CACNA2D3: variants seen among roughly 807,000 people sequenced by gnomAD.
CACNA2D3 encodes voltage-dependent calcium channel subunit alpha-2/delta-3.
A neutral mutation model predicts 160.6 loss-of-function variants in CACNA2D3; 60 were observed. The ratio of observed to expected loss-of-function variants is 0.37; its 90% confidence interval spans 0.30 to 0.46. CACNA2D3 has a LOEUF of 0.46. Among genes scored for constraint, CACNA2D3 ranks in the 20% least tolerant of loss-of-function variants. CACNA2D3 has a pLI of 1.00. For missense variants in CACNA2D3, 1,205 were observed against 1,365.0 expected (o/e 0.88, Z 1.85); for synonymous variants, 558 against 492.9 (o/e 1.13, Z -1.75).
intron 4 of CACNA2D3, among the ~76,000 whole-genome samples, chr3:54,387,010 CTA>C (rs1448977156): frequency 6.6e-6 from 1 of 152,186 alleles, no homozygotes; most frequent in African/African-American, 2.4e-5. Context: ...TTTCAATAAA[CTA>C]TTCCCCAATT....
chr3:54,787,307 C>G (rs538426336), intron 13 of CACNA2D3, among the ~76,000 whole-genome samples: 35 of 152,212 alleles, frequency 2.3e-4, no homozygotes, highest in African/African-American at 7.2e-4. Flanking sequence ...ATCATTTAAG[C>G]CCCCTCATAT....
intron 11 of CACNA2D3, among the ~76,000 whole-genome samples, chr3:54,693,517 ATACTT>A (rs1308334568): frequency 2.0e-5 from 3 of 152,352 alleles, no homozygotes; most frequent in South Asian, 2.1e-4. Flanking sequence ...GTACTGTACT[ATACTT>A]TTATCATTAT....
At chr3:54,268,070 T>C (rs1702553025) in intron 2 of CACNA2D3, among the ~76,000 whole-genome samples, 1 of 152,210 alleles carries the variant, frequency 6.6e-6, no homozygotes, top group Non-Finnish European at 1.5e-5. Flanking sequence ...GTGGTTCATA[T>C]TCAGAATCAG....
intron 11 of CACNA2D3, among the ~76,000 whole-genome samples, chr3:54,725,014 T>G (rs1364295029): frequency 6.6e-6 from 1 of 151,764 alleles, no homozygotes; most frequent in Admixed American, 6.6e-5. Context: ...ATAGATAGAC[T>G]CCTAGCCAGA....
chr3:54,183,233 T>C (rs1461930749), intron 2 of CACNA2D3, among the ~76,000 whole-genome samples: 1 of 147,502 alleles, frequency 6.8e-6, no homozygotes, highest in Admixed American at 6.9e-5. Context: ...TTTTTTTCTA[T>C]TCAGAAAATA....
At chr3:54,443,605 T>C (rs942481200) in intron 4 of CACNA2D3, among the ~76,000 whole-genome samples, 1 of 152,288 alleles carries the variant, frequency 6.6e-6, no homozygotes, top group East Asian at 1.9e-4. Context: ...GTTTTCCTGG[T>C]GGAGCAGACA....
intron 2 of CACNA2D3, among the ~76,000 whole-genome samples, chr3:54,159,159 A>T (rs894391419): frequency 1.1e-4 from 16 of 152,232 alleles, no homozygotes; most frequent in Non-Finnish European, 1.5e-4. Flanking sequence ...TTCAGTCATC[A>T]TAAAAACAGA....
intron 14 of CACNA2D3, among the ~76,000 whole-genome samples, chr3:54,834,282 T>A (rs1220477151): frequency 1.3e-5 from 2 of 151,676 alleles, no homozygotes; most frequent in Non-Finnish European, 2.9e-5. Context: ...GCTTGAAATT[T>A]GATTTGAGTT....
chr3:54,223,714 C>T (rs909740558), intron 2 of CACNA2D3, among the ~76,000 whole-genome samples: 2 of 151,676 alleles, frequency 1.3e-5, no homozygotes, highest in South Asian at 2.1e-4. Flanking sequence ...ATTTGTGGGG[C>T]GTAGTGGCAC....
chr3:54,384,741 A>G (rs894177404), intron 3 of CACNA2D3, among the ~76,000 whole-genome samples: 5 of 152,130 alleles, frequency 3.3e-5, no homozygotes, highest in African/African-American at 1.2e-4. Context: ...TGTTTTTGAG[A>G]CAGAGTCTCA....
chr3:55,012,240 G>A (rs150416238), intron 34 of CACNA2D3, among the ~76,000 whole-genome samples: 1 of 152,260 alleles, frequency 6.6e-6, no homozygotes, highest in Non-Finnish European at 1.5e-5. Context: ...AGCAATGCGT[G>A]CCAAGCCCTT....
At chr3:54,584,553 T>A (rs985700425) in intron 9 of CACNA2D3, among the ~76,000 whole-genome samples, 7 of 149,144 alleles carry the variant, frequency 4.7e-5, no homozygotes, top group African/African-American at 9.7e-5. Flanking sequence ...AACAAAAAAA[T>A]ATAACATTAA....
chr3:54,536,975 T>A lies in CACNA2D3; in HGVS notation c.545-25825T>A, dbSNP rs1468804128. Among the ~76,000 whole-genome samples the A allele has an allele frequency of 2.0e-5, 3 of 152,146 alleles. No homozygotes were observed. In the South Asian group the frequency reaches 6.2e-4, roughly 32 times the overall value. ...ATGCAGTGCCAGGCGCCAGGCAGACTGTTGCGCATGAATAAATGCTCGATA... is the reference window on the plus strand; with the variant it reads ...ATGCAGTGCCAGGCGCCAGGCAGACAGTTGCGCATGAATAAATGCTCGATA... On this transcript the variant is annotated intron_variant, in intron 5 of 37. Coordinates refer to ENST00000474759, the MANE Select transcript of CACNA2D3 (RefSeq NM_018398.3).
At chr3:55,000,679 A>C (rs2107131843) in intron 31 of CACNA2D3, among the ~76,000 whole-genome samples, 1 of 152,340 alleles carries the variant, frequency 6.6e-6, no homozygotes, top group East Asian at 1.9e-4. Context: ...TCCAAGGAGA[A>C]TCCTGAGTTT....
chr3:54,590,546 G>C (rs1034073778), intron 9 of CACNA2D3, among the ~76,000 whole-genome samples: 1 of 152,054 alleles, frequency 6.6e-6, no homozygotes, highest in Non-Finnish European at 1.5e-5. Context: ...TTATGCTGTA[G>C]TTTGTAACAT....
At chr3:54,893,529 T>G (rs1700117380) in intron 25 of CACNA2D3, among the ~76,000 whole-genome samples, 1 of 152,154 alleles carries the variant, frequency 6.6e-6, no homozygotes, top group Non-Finnish European at 1.5e-5. Flanking sequence ...TCCAGCTATT[T>G]GGATACACTC....
chr3:55,071,124 A>G (rs982800673), intron 35 of CACNA2D3, among the ~76,000 whole-genome samples: 2 of 152,186 alleles, frequency 1.3e-5, no homozygotes, highest in East Asian at 3.9e-4. Flanking sequence ...TATTTTAATG[A>G]TATTTATTTT....
chr3:54,803,404 G>A lies in CACNA2D3; in HGVS notation c.1381-13449G>A, dbSNP rs917890109. Reference sequence around the variant, plus strand: ...CTGAAAGCCAAGGCTCAAGAACTACGTGAAGAATGCAGAAGCCTCAGGAGC... The same window carrying A: ...CTGAAAGCCAAGGCTCAAGAACTACATGAAGAATGCAGAAGCCTCAGGAGC... On this transcript the variant is annotated intron_variant, in intron 13 of 37. Coordinates refer to ENST00000474759, the MANE Select transcript of CACNA2D3 (RefSeq NM_018398.3). Among the ~76,000 whole-genome samples the A allele has an allele frequency of 3.8e-4, 58 of 152,330 alleles. No individual in the cohort carries two copies. In the South Asian group the frequency reaches 6.2e-3, roughly 16 times the overall value.
chr3:54,375,485 C>T (rs763267159), intron 3 of CACNA2D3, among the ~76,000 whole-genome samples: 7 of 152,056 alleles, frequency 4.6e-5, no homozygotes, highest in Non-Finnish European at 1.0e-4. Flanking sequence ...GTCATTTGAG[C>T]TGCAGAGTGA....
Sources: allele counts gnomAD v4.1 joint callset (sites outside exome capture counted in the v4.1 genomes callset), GRCh38; gene constraint gnomAD v4.1.1; transcripts MANE v1.5; gene names NCBI Gene and HGNC (gene_info 2026-07-23, HGNC 2026-07-21).